The following FNDC3B variants were observed in gnomAD, a reference collection of about 807,000 sequenced individuals.
FNDC3B encodes fibronectin type III domain-containing protein 3B.
Under a neutral mutation model 151.5 loss-of-function variants are expected in FNDC3B, and 12 were observed. That is an observed-to-expected ratio of 0.08 (90% CI 0.05 to 0.13). The LOEUF (loss-of-function observed/expected upper bound fraction) is 0.13, where lower values mean the gene tolerates loss of function less well. FNDC3B is among the 10% of genes least tolerant of loss of function. The probability of loss-of-function intolerance (pLI) is 1.00; values close to 1 mark genes in which losing one functional copy is unlikely to be tolerated. For synonymous variants in FNDC3B, 528 were observed against 549.0 expected, an observed-to-expected ratio of 0.96 and a Z score of 0.54; for missense variants, 1,214 against 1,505.3, an observed-to-expected ratio of 0.81 and a Z score of 3.20.
intron 6 of FNDC3B, among the ~76,000 whole-genome samples, chr3:172,280,680 CT>C (rs1729663215): frequency 6.6e-6 from 1 of 152,034 alleles, no homozygotes. Context: ...GTGTGTAGCT[CT>C]ATTTCTTTTC....
intron 3 of FNDC3B, among the ~76,000 whole-genome samples, chr3:172,199,948 G>T (rs940223244): frequency 2.0e-5 from 3 of 152,104 alleles, no homozygotes; most frequent in African/African-American, 7.2e-5. Context: ...TTTGTGTTTC[G>T]TGCATTTGTA....
At chr3:172,222,673 T>G (rs576587053) in intron 3 of FNDC3B, among the ~76,000 whole-genome samples, 1 of 152,132 alleles carries the variant, frequency 6.6e-6, no homozygotes, top group East Asian at 1.9e-4. Flanking sequence ...CGCTGCTGAT[T>G]AGGAATCTAA....
At chr3:172,252,089 T>C (rs1728109424) in intron 6 of FNDC3B, among the ~76,000 whole-genome samples, 1 of 152,152 alleles carries the variant, frequency 6.6e-6, no homozygotes, top group South Asian at 2.1e-4. Flanking sequence ...GGCCACCACA[T>C]ATAGGTAGAG....
At chr3:172,180,369 G>A (rs1055484503) in intron 3 of FNDC3B, among the ~76,000 whole-genome samples, 1 of 152,184 alleles carries the variant, frequency 6.6e-6, no homozygotes, top group Non-Finnish European at 1.5e-5. Context: ...GCTCACTACT[G>A]TTTGAGAACA....
intron 1 of FNDC3B, among the ~76,000 whole-genome samples, chr3:172,054,393 T>C (rs1471702683): frequency 1.3e-5 from 2 of 152,210 alleles, no homozygotes; most frequent in Non-Finnish European, 2.9e-5. Flanking sequence ...TTAGAAATCA[T>C]GTAGGGCTCG....
chr3:172,249,676 A>G (rs1442510606), intron 5 of FNDC3B, among the ~76,000 whole-genome samples: 3 of 152,214 alleles, frequency 2.0e-5, no homozygotes, highest in Non-Finnish European at 4.4e-5. Flanking sequence ...GGTGTTTAGA[A>G]CATTTACTAT....
At chr3:172,290,141 G>A (rs531121827) in intron 7 of FNDC3B, among the ~76,000 whole-genome samples, 1 of 152,220 alleles carries the variant, frequency 6.6e-6, no homozygotes. Flanking sequence ...AGCCACAACT[G>A]GTAGCACCTC....
intron 1 of FNDC3B, among the ~76,000 whole-genome samples, chr3:172,063,870 T>C (rs1350943514): frequency 6.6e-6 from 1 of 152,126 alleles, no homozygotes; most frequent in Non-Finnish European, 1.5e-5. Flanking sequence ...TCACCAAATT[T>C]ATTTATATGT....
chr3:172,312,968 G>A (rs1190818569), intron 11 of FNDC3B, among the ~76,000 whole-genome samples: 8 of 152,148 alleles, frequency 5.3e-5, no homozygotes, highest in African/African-American at 1.7e-4. Context: ...ACAGGCTAGC[G>A]GTCAAAAAAT....
At chr3:172,158,755 C>A (rs1722626874) in intron 3 of FNDC3B, among the ~76,000 whole-genome samples, 1 of 152,088 alleles carries the variant, frequency 6.6e-6, no homozygotes, top group African/African-American at 2.4e-5. Context: ...GTTTTCCCTA[C>A]AAGTTTTATA....
intron 21 of FNDC3B, among the ~76,000 whole-genome samples, chr3:172,350,313 A>G (rs1323465170): frequency 6.6e-6 from 1 of 152,188 alleles, no homozygotes; most frequent in Non-Finnish European, 1.5e-5. Context: ...ACCTAAGATC[A>G]CACAGTTGTT....
At chr3:172,235,532 T>C (rs1377984840) in intron 4 of FNDC3B, among the ~76,000 whole-genome samples, 1 of 152,184 alleles carries the variant, frequency 6.6e-6, no homozygotes, top group Non-Finnish European at 1.5e-5. Context: ...CCAGACTGAT[T>C]TCTTGATACC....
intron 6 of FNDC3B, among the ~76,000 whole-genome samples, chr3:172,255,390 T>G (rs1728280489): frequency 6.6e-6 from 1 of 152,144 alleles, no homozygotes; most frequent in Admixed American, 6.6e-5. Flanking sequence ...TGCCTCAGCC[T>G]CCCGAGTAGC....
At chr3:172,380,943 G>A (rs370113212) in intron 24 of FNDC3B, 23 bp from the exon 25 acceptor site, 2 of 1,610,834 alleles carry the variant, frequency 1.2e-6, no homozygotes, top group African/African-American at 1.3e-5. Flanking sequence ...TTTTGAGCTT[G>A]GATGTGTGGA....
intron 1 of FNDC3B, among the ~76,000 whole-genome samples, chr3:172,109,425 C>A (rs1719849929): frequency 6.9e-6 from 1 of 145,640 alleles, no homozygotes; most frequent in Non-Finnish European, 1.5e-5. Context: ...CTCGGCCTCC[C>A]AAAGTGCTGG....
chr3:172,288,684 C>T (rs1000336604), intron 7 of FNDC3B, among the ~76,000 whole-genome samples: 11 of 152,270 alleles, frequency 7.2e-5, no homozygotes, highest in South Asian at 2.1e-4. Context: ...TCTGTAGATC[C>T]GCATTTATAT....
intron 12 of FNDC3B, chr3:172,330,312 G>A (rs2108286735): frequency 2.3e-6 from 1 of 437,638 alleles, no homozygotes; most frequent in South Asian, 4.3e-5. Flanking sequence ...AAGGCCAACT[G>A]TATATTGTCC....
At chr3:172,088,915 A>G (rs1718680660) in intron 1 of FNDC3B, among the ~76,000 whole-genome samples, 1 of 152,208 alleles carries the variant, frequency 6.6e-6, no homozygotes, top group Non-Finnish European at 1.5e-5. Flanking sequence ...ATTTTTACTC[A>G]TTTATTCAAC....
At chr3:172,319,637 TG>T (rs1324971958) in intron 11 of FNDC3B, among the ~76,000 whole-genome samples, 1 of 151,780 alleles carries the variant, frequency 6.6e-6, no homozygotes, top group East Asian at 1.9e-4. Flanking sequence ...GGGGGAAGAG[TG>T]GGGTTTGGCA....
Sources: allele counts gnomAD v4.1 joint callset (sites outside exome capture counted in the v4.1 genomes callset), GRCh38; gene constraint gnomAD v4.1.1; transcripts MANE v1.5; gene names NCBI Gene and HGNC (gene_info 2026-07-23, HGNC 2026-07-21).